Variants in RANBP2 observed in about 807,000 individuals in gnomAD.
The protein encoded by RANBP2 is E3 SUMO-protein ligase RanBP2.
A neutral mutation model predicts 303.6 loss-of-function variants in RANBP2; 57 were observed. The observed-to-expected ratio is 0.19, with a 90% CI of 0.15 to 0.23. The LOEUF is 0.23. Among genes scored for constraint, RANBP2 ranks in the 10% least tolerant of loss-of-function variants. RANBP2 has a pLI of 1.00. For synonymous variants in RANBP2, 1,167 were observed against 1,301.5 expected, an observed-to-expected ratio of 0.90 and a Z score of 2.23; for missense variants, 3,138 against 3,780.8, an observed-to-expected ratio of 0.83 and a Z score of 4.46.
the RANBP2 span, among the ~76,000 whole-genome samples, chr2:109,012,932 A>C: frequency 2.6e-3 from 394 of 152,248 alleles, no homozygotes; most frequent in Non-Finnish European, 3.3e-3. Flanking sequence ...ACAACAACAA[A>C]AAAAACTTCA....
At chr2:109,022,227 G>A in the RANBP2 span, among the ~76,000 whole-genome samples, 1 of 152,196 alleles carries the variant, frequency 6.6e-6, no homozygotes, top group Non-Finnish European at 1.5e-5. Context: ...GGTGCCTGCA[G>A]TTAGGGGTTG....
chr2:109,430,684 A>G, the RANBP2 span, among the ~76,000 whole-genome samples: 1 of 152,052 alleles, frequency 6.6e-6, no homozygotes, highest in East Asian at 1.9e-4. Flanking sequence ...CTCTATGGTG[A>G]TGGGAACAGA....
At chr2:109,082,831 T>G in the RANBP2 span, among the ~76,000 whole-genome samples, 3 of 149,260 alleles carry the variant, frequency 2.0e-5, no homozygotes, top group African/African-American at 7.4e-5. Context: ...ATGTCTTTTT[T>G]TTTTTTTTTT....
At chr2:109,497,892 G>A in the RANBP2 span, among the ~76,000 whole-genome samples, 4 of 152,246 alleles carry the variant, frequency 2.6e-5, no homozygotes, top group African/African-American at 4.8e-5. Context: ...AAATCATCTC[G>A]CCCTTTGCCT....
the RANBP2 span, among the ~76,000 whole-genome samples, chr2:108,793,018 T>G: frequency 6.8e-6 from 1 of 147,350 alleles, no homozygotes; most frequent in Admixed American, 6.6e-5. Flanking sequence ...GAGCTGAGAC[T>G]GTGCCACTGC....
At chr2:109,243,468 A>C in the RANBP2 span, among the ~76,000 whole-genome samples, 4 of 152,376 alleles carry the variant, frequency 2.6e-5, no homozygotes, top group South Asian at 8.3e-4. Context: ...CCTCGTGTGC[A>C]TTCCAGCCAG....
the RANBP2 span, among the ~76,000 whole-genome samples, chr2:109,586,963 AC>A: frequency 1.3e-5 from 2 of 152,220 alleles, no homozygotes; most frequent in African/African-American, 4.8e-5. Context: ...TAGCATCTCT[AC>A]AGTATCTACT....
At chr2:109,673,035 C>A in the RANBP2 span, among the ~76,000 whole-genome samples, 3 of 152,120 alleles carry the variant, frequency 2.0e-5, no homozygotes, top group Admixed American at 1.3e-4. Flanking sequence ...TAGAATCCAA[C>A]AAATTCAGAG....
chr2:109,157,333 CA>C, the RANBP2 span, among the ~76,000 whole-genome samples: 2 of 152,198 alleles, frequency 1.3e-5, no homozygotes, highest in African/African-American at 4.8e-5. Context: ...ACTTAAAATT[CA>C]ATATTGCATT....
the RANBP2 span, chr2:108,894,958 A>G: frequency 1.3e-5 from 2 of 152,290 alleles, no homozygotes; most frequent in African/African-American, 2.4e-5. Context: ...GCAAGCTGTT[A>G]TCCTGGAATG....
the RANBP2 span, among the ~76,000 whole-genome samples, chr2:109,452,963 G>A: frequency 2.6e-5 from 4 of 151,352 alleles, no homozygotes; most frequent in Non-Finnish European, 5.9e-5. Flanking sequence ...TGGTCCCTGG[G>A]AGGCTGGTCC....
the RANBP2 span, among the ~76,000 whole-genome samples, chr2:108,812,354 T>C: frequency 6.6e-6 from 1 of 152,174 alleles, no homozygotes; most frequent in Admixed American, 6.5e-5. Flanking sequence ...AGTGTACTTA[T>C]TAATAAAAAC....
the RANBP2 span, among the ~76,000 whole-genome samples, chr2:108,828,678 G>A: frequency 6.6e-6 from 1 of 152,100 alleles, no homozygotes; most frequent in Non-Finnish European, 1.5e-5. Flanking sequence ...TACCTTATAC[G>A]ATATGTAAAA....
the RANBP2 span, among the ~76,000 whole-genome samples, chr2:109,259,512 A>G: frequency 3.3e-5 from 5 of 152,324 alleles, no homozygotes; most frequent in African/African-American, 1.2e-4. Context: ...GTGCAAAGTC[A>G]GGACTCTCCG....
chr2:109,066,324 G>A, the RANBP2 span, among the ~76,000 whole-genome samples: 2 of 152,144 alleles, frequency 1.3e-5, no homozygotes, highest in African/African-American at 4.8e-5. Flanking sequence ...GGCCAGGCTG[G>A]TCTTGAACTC....
At chr2:108,840,012 A>C in the RANBP2 span, among the ~76,000 whole-genome samples, 5 of 152,028 alleles carry the variant, frequency 3.3e-5, no homozygotes, top group Non-Finnish European at 7.4e-5. Flanking sequence ...TTTCATAGAT[A>C]CTTTCAATCA....
At chr2:109,541,918 C>T in the RANBP2 span, among the ~76,000 whole-genome samples, 7 of 152,162 alleles carry the variant, frequency 4.6e-5, no homozygotes, top group Non-Finnish European at 8.8e-5. Context: ...AATAGGAACA[C>T]GGGGCTTACA....
chr2:109,344,251 G>A, the RANBP2 span, among the ~76,000 whole-genome samples: 34 of 152,340 alleles, frequency 2.2e-4, no homozygotes, highest in East Asian at 5.8e-3. Flanking sequence ...GAAGGTGGCC[G>A]ATGGAGTTAG....
At chr2:108,912,580 A>C in the RANBP2 span, 1 of 1,186,124 alleles carries the variant, frequency 8.4e-7, no homozygotes, top group Non-Finnish European at 1.2e-6. Context: ...GGGGAAGCGC[A>C]CCATAATCAT....
Sources: allele counts gnomAD v4.1 joint callset (sites outside exome capture counted in the v4.1 genomes callset), GRCh38; gene constraint gnomAD v4.1.1; transcripts MANE v1.5; gene names NCBI Gene and HGNC (gene_info 2026-07-23, HGNC 2026-07-21).